Variants in SMOC2 observed in about 807,000 individuals in gnomAD.
SMOC2 encodes the protein SPARC-related modular calcium-binding protein 2.
SMOC2 carries 39 observed loss-of-function variants against 61.4 expected under a neutral mutation model. The ratio of observed to expected loss-of-function variants is 0.64; its 90% CI spans 0.49 to 0.83. The LOEUF (loss-of-function observed/expected upper bound fraction) is 0.83. SMOC2 is among the 40% of genes least tolerant of loss of function. The pLI is 0.00. For synonymous variants in SMOC2, 247 were observed against 239.9 expected, an observed-to-expected ratio of 1.03 and a Z score of -0.27; for missense variants, 556 against 592.9, an observed-to-expected ratio of 0.94 and a Z score of 0.65.
At chr6:168,504,819 A>G (rs2749250) in intron 1 of SMOC2, among the ~76,000 whole-genome samples, 73,100 of 152,092 alleles carry the variant, frequency 0.48, 18,293 homozygotes, top group African/African-American at 0.6. Context: ...TGCCTTTTAC[A>G]GAGAGGGGTC....
intron 9 of SMOC2, among the ~76,000 whole-genome samples, chr6:168,636,694 A>T (rs1786730944): frequency 6.6e-6 from 1 of 152,198 alleles, no homozygotes; most frequent in Non-Finnish European, 1.5e-5. Flanking sequence ...TGTCACTGTG[A>T]TCCTGAGATC....
rs1358410062 is a variant in SMOC2, at chr6:168,441,404, C to T, written c.34C>T (p.Leu12Phe). 2 of 1,508,756 alleles carry T rather than the reference C, an allele frequency of 1.3e-6. No individual in the cohort carries two copies. Among genetic ancestry groups the T allele is most frequent in the Non-Finnish European group, 8.8e-7 (1 of 1,133,432 alleles). The allele number at this position is 1,508,756 out of a possible 1,614,324, so 93.5% of individuals were successfully genotyped here. ...LLPQLCWLPL[L>F]AGLLPPVPAQ... is the part of the protein sequence containing the mutation. ...CCCCCAGCTCTGCTGGCTGCCGCTG[C>T]TCGCTGGGCTGCTCCCGCCGGTGCC... is the stretch of plus-strand genomic sequence containing the variant. Residue 12 changes from leucine (L) to phenylalanine (F), a missense_variant, in exon 1 of 13, where the codon CTC (leucine) becomes TTC (phenylalanine). Coordinates refer to ENST00000356284, the MANE Select transcript of SMOC2 (RefSeq NM_001166412.2).
chr6:168,592,445 GCTC>G (rs1785211087), intron 7 of SMOC2, among the ~76,000 whole-genome samples: 1 of 101,362 alleles, frequency 9.9e-6, no homozygotes, highest in Non-Finnish European at 2.1e-5. Context: ...GGATCGCCGA[GCTC>G]CTCCTCCTTC....
chr6:168,506,855 CAT>C (rs1235656675), intron 1 of SMOC2, among the ~76,000 whole-genome samples: 1 of 152,206 alleles, frequency 6.6e-6, no homozygotes, highest in Non-Finnish European at 1.5e-5. Context: ...TCTTTTAACA[CAT>C]AGTGAATTCT....
At chr6:168,519,376 C>T (rs1783270769) in intron 2 of SMOC2, among the ~76,000 whole-genome samples, 1 of 152,172 alleles carries the variant, frequency 6.6e-6, no homozygotes, top group African/African-American at 2.4e-5. Flanking sequence ...TTCCAGCAGA[C>T]ACAGTTATCA....
chr6:168,542,760 C>T (rs1259817727), intron 4 of SMOC2, among the ~76,000 whole-genome samples: 1 of 152,068 alleles, frequency 6.6e-6, no homozygotes, highest in Non-Finnish European at 1.5e-5. Flanking sequence ...ATTACTATTG[C>T]ATTTCCCAAA....
At chr6:168,533,360 C>A (rs571498597) in intron 4 of SMOC2, among the ~76,000 whole-genome samples, 1 of 152,314 alleles carries the variant, frequency 6.6e-6, no homozygotes, top group East Asian at 1.9e-4. Flanking sequence ...AAAGTCTTGT[C>A]CTCCATCTGA....
At position 168,666,456 on chromosome 6, in the gene SMOC2, G is replaced by C; in HGVS notation, c.*18G>C. The C allele has an allele frequency of 6.2e-7, 1 of 1,613,694 alleles. No individual in the cohort carries two copies. The highest frequency in any genetic ancestry group is 1.1e-5 in the South Asian group (1 of 91,050). On this transcript the variant is annotated 3_prime_UTR_variant, in exon 13 of 13. Coordinates refer to ENST00000356284, the MANE Select transcript of SMOC2 (RefSeq NM_001166412.2). ...AAGGATAAATGGCTCATACCCCGAA[G>C]GCAGTTCCTAGACACATGGGAAATT...
intron 10 of SMOC2, among the ~76,000 whole-genome samples, chr6:168,651,704 G>A (rs1042705877): frequency 6.6e-6 from 1 of 152,128 alleles, no homozygotes. Context: ...GAAATAAAAA[G>A]GCAATACTAA....
intron 1 of SMOC2, among the ~76,000 whole-genome samples, chr6:168,450,488 G>T (rs1562535477): frequency 2.6e-5 from 4 of 152,162 alleles, no homozygotes; most frequent in South Asian, 2.1e-4. Context: ...CAGCAGATGG[G>T]TCCCCTTCCC....
intron 7 of SMOC2, among the ~76,000 whole-genome samples, chr6:168,590,446 G>A (rs113293791): frequency 1.2e-4 from 15 of 120,864 alleles, no homozygotes; most frequent in African/African-American, 4.3e-4. Flanking sequence ...GGTGTGGCAT[G>A]AGTTTAGGGG....
At chr6:168,474,277 G>A (rs1018580980) in intron 1 of SMOC2, among the ~76,000 whole-genome samples, 3 of 152,138 alleles carry the variant, frequency 2.0e-5, no homozygotes, top group Non-Finnish European at 4.4e-5. Context: ...TGCATAAGGG[G>A]GAGGGACGAT....
intron 2 of SMOC2, among the ~76,000 whole-genome samples, chr6:168,518,910 T>G (rs1783236989): frequency 1.3e-5 from 2 of 151,752 alleles, no homozygotes; most frequent in Admixed American, 6.6e-5. Flanking sequence ...CGTGCATGTG[T>G]GAGTGAGCAT....
intron 2 of SMOC2, 44 bp from the exon 3 acceptor site, chr6:168,526,302 C>T (rs768072965): frequency 1.3e-6 from 2 of 1,530,454 alleles, no homozygotes; most frequent in Non-Finnish European, 1.8e-6. Context: ...GTTCTATCTT[C>T]TTCCCATTGC....
chr6:168,643,493 C>T (rs1226104379), intron 9 of SMOC2, among the ~76,000 whole-genome samples: 1 of 152,270 alleles, frequency 6.6e-6, no homozygotes, highest in African/African-American at 2.4e-5. Context: ...CCTGTGCCCC[C>T]AGCACTCTCC....
intron 1 of SMOC2, among the ~76,000 whole-genome samples, chr6:168,466,913 G>C (rs1032203988): frequency 6.6e-6 from 1 of 152,200 alleles, no homozygotes; most frequent in Non-Finnish European, 1.5e-5. Flanking sequence ...TTGGAAAAGG[G>C]AGCTGTGTCT....
intron 11 of SMOC2, among the ~76,000 whole-genome samples, chr6:168,659,926 T>TTGGCTAGGTA (rs1787460125): frequency 6.7e-6 from 1 of 150,362 alleles, no homozygotes; most frequent in Non-Finnish European, 1.5e-5. Flanking sequence ...TTGGAGGTTG[T>TTGGCTAGGTA]AGGCTGGGTG....
intron 9 of SMOC2, among the ~76,000 whole-genome samples, chr6:168,638,653 A>C (rs889202087): frequency 6.6e-6 from 1 of 152,128 alleles, no homozygotes; most frequent in African/African-American, 2.4e-5. Flanking sequence ...CGCGGAGTGG[A>C]GTCTTGCTCC....
chr6:168,466,634 A>G (rs1365277254), intron 1 of SMOC2, among the ~76,000 whole-genome samples: 1 of 152,226 alleles, frequency 6.6e-6, no homozygotes, highest in Non-Finnish European at 1.5e-5. Context: ...TATTTGTCAT[A>G]GTATTTGTGC....
Sources: gnomAD v4.1 joint callset for allele counts (sites outside exome capture counted in the v4.1 genomes callset) on GRCh38, gnomAD v4.1.1 for gene constraint, MANE v1.5 for transcripts, NCBI Gene and HGNC (gene_info 2026-07-23, HGNC 2026-07-21) for gene names.